Variants in SPOCK3 observed in about 807,000 individuals in gnomAD.
SPOCK3 encodes SPARC (osteonectin), cwcv and kazal like domains proteoglycan 3.
A neutral mutation model predicts 56.6 loss-of-function variants in SPOCK3; 30 were observed. That is an observed-to-expected ratio of 0.53 (90% CI 0.40 to 0.72). The LOEUF (loss-of-function observed/expected upper bound fraction) is 0.72. Among genes scored for constraint, SPOCK3 ranks in the 30% least tolerant of loss-of-function variants. SPOCK3 has a pLI of 0.00. For synonymous variants in SPOCK3, 196 were observed against 183.3 expected (o/e 1.07, Z -0.56); for missense variants, 527 against 530.0 (o/e 0.99, Z 0.06).
chr4:167,112,368 G>A (rs1760977106), intron 2 of SPOCK3, among the ~76,000 whole-genome samples: 1 of 152,038 alleles, frequency 6.6e-6, no homozygotes, highest in Non-Finnish European at 1.5e-5. Flanking sequence ...CTTAAATAGT[G>A]TATTAAAGCA....
intron 7 of SPOCK3, among the ~76,000 whole-genome samples, chr4:166,775,148 T>C (rs1366676656): frequency 6.6e-6 from 1 of 151,456 alleles, no homozygotes; most frequent in Non-Finnish European, 1.5e-5. Context: ...AGAGGAAGAG[T>C]AACGGATCTA....
intron 2 of SPOCK3, among the ~76,000 whole-genome samples, chr4:167,187,798 AGTAAACATTATTCT>A (rs1732133938): frequency 6.6e-6 from 1 of 152,176 alleles, no homozygotes; most frequent in South Asian, 2.1e-4. Flanking sequence ...GTGCTACTTT[AGTAAACATTATTCT>A]GACACCATTA....
At chr4:167,211,270 C>T (rs1043281649) in intron 2 of SPOCK3, among the ~76,000 whole-genome samples, 5 of 152,120 alleles carry the variant, frequency 3.3e-5, no homozygotes, top group African/African-American at 1.2e-4. Flanking sequence ...TAGGAAGTAA[C>T]TAACTTGCAT....
intron 6 of SPOCK3, among the ~76,000 whole-genome samples, chr4:166,820,854 T>C (rs974868074): frequency 1.3e-5 from 2 of 151,732 alleles, no homozygotes; most frequent in Non-Finnish European, 2.9e-5. Flanking sequence ...ATAAAGTGCT[T>C]CAGAAAAAAA....
intron 2 of SPOCK3, among the ~76,000 whole-genome samples, chr4:167,229,459 T>A (rs1025420116): frequency 1.3e-5 from 2 of 152,064 alleles, no homozygotes; most frequent in Non-Finnish European, 2.9e-5. Context: ...AGAAACAAAT[T>A]GTTGTATTTA....
chr4:166,750,643 A>G (rs542487483), intron 8 of SPOCK3, among the ~76,000 whole-genome samples: 1 of 152,176 alleles, frequency 6.6e-6, no homozygotes, highest in Admixed American at 6.6e-5. Flanking sequence ...TAAAAACCCA[A>G]ACCCCTACAT....
At chr4:167,222,786 CATAG>C (rs1262410844) in intron 2 of SPOCK3, among the ~76,000 whole-genome samples, 4 of 117,756 alleles carry the variant, frequency 3.4e-5, no homozygotes, top group African/African-American at 7.0e-5. Flanking sequence ...AATATATAAA[CATAG>C]ATATATATTG....
intron 6 of SPOCK3, among the ~76,000 whole-genome samples, chr4:166,838,217 A>G (rs920263947): frequency 2.0e-5 from 3 of 152,026 alleles, no homozygotes; most frequent in African/African-American, 7.2e-5. Flanking sequence ...CATTTGTCAA[A>G]TGTGCCATTT....
chr4:166,780,825 C>T (rs1200786588), intron 7 of SPOCK3, among the ~76,000 whole-genome samples: 1 of 152,110 alleles, frequency 6.6e-6, no homozygotes. Context: ...AAGTGCCAAC[C>T]TTCTATCAAT....
At chr4:166,793,412 A>G (rs1741565370) in intron 6 of SPOCK3, among the ~76,000 whole-genome samples, 1 of 152,222 alleles carries the variant, frequency 6.6e-6, no homozygotes, top group Non-Finnish European at 1.5e-5. Flanking sequence ...GCAACAAATA[A>G]AATACACTAA....
intron 3 of SPOCK3, among the ~76,000 whole-genome samples, chr4:167,047,707 T>C (rs1328430374): frequency 6.6e-6 from 1 of 152,218 alleles, no homozygotes; most frequent in Non-Finnish European, 1.5e-5. Flanking sequence ...TTACTATCTA[T>C]TTTATAACAA....
intron 4 of SPOCK3, among the ~76,000 whole-genome samples, chr4:166,914,632 T>C (rs1737649032): frequency 6.6e-6 from 1 of 151,994 alleles, no homozygotes; most frequent in Admixed American, 6.6e-5. Context: ...TAGCCAGGCA[T>C]GGTGGTGCAT....
intron 5 of SPOCK3, among the ~76,000 whole-genome samples, chr4:166,901,577 T>C (rs2127057457): frequency 6.6e-6 from 1 of 152,260 alleles, no homozygotes; most frequent in African/African-American, 2.4e-5. Context: ...ACTGACCAGA[T>C]ATTTTGGATG....
chr4:167,209,051 T>C (rs115546448), intron 2 of SPOCK3, among the ~76,000 whole-genome samples: 4,018 of 152,252 alleles, frequency 0.026, 75 homozygotes, highest in Admixed American at 0.068. Flanking sequence ...TCAATTATTG[T>C]CTTGTTTGCT....
intron 4 of SPOCK3, among the ~76,000 whole-genome samples, chr4:166,977,740 T>C (rs149177116): frequency 8.9e-4 from 136 of 152,272 alleles, no homozygotes; most frequent in African/African-American, 2.8e-3. Context: ...GTTCCATTGA[T>C]AGTGAAGCCA....
At chr4:167,078,480 T>G (rs1450201896) in intron 2 of SPOCK3, among the ~76,000 whole-genome samples, 2 of 151,638 alleles carry the variant, frequency 1.3e-5, no homozygotes, top group Non-Finnish European at 2.9e-5. Context: ...GAGTTGGTTT[T>G]GCAAGATATA....
At chr4:167,183,104 CAGTT>C (rs1159277518) in intron 2 of SPOCK3, among the ~76,000 whole-genome samples, 1 of 152,024 alleles carries the variant, frequency 6.6e-6, no homozygotes, top group Admixed American at 6.6e-5. Context: ...GGTCCTAAGA[CAGTT>C]AGAGAATATG....
chr4:166,837,745 T>C (rs1746782465), intron 6 of SPOCK3, among the ~76,000 whole-genome samples: 1 of 152,186 alleles, frequency 6.6e-6, no homozygotes, highest in African/African-American at 2.4e-5. Flanking sequence ...TTATTGACTT[T>C]TACTTTTTTG....
At chr4:167,221,294 G>A (rs1437854616) in intron 2 of SPOCK3, among the ~76,000 whole-genome samples, 3 of 152,072 alleles carry the variant, frequency 2.0e-5, no homozygotes, top group Non-Finnish European at 4.4e-5. Context: ...CTTGAGCCCA[G>A]GAGTTTCCCG....
Sources: gnomAD v4.1 joint callset for allele counts (sites outside exome capture counted in the v4.1 genomes callset) on GRCh38, gnomAD v4.1.1 for gene constraint, MANE v1.5 for transcripts, NCBI Gene and HGNC (gene_info 2026-07-23, HGNC 2026-07-21) for gene names.